Variants in DCC observed in about 807,000 individuals in gnomAD.
The protein encoded by DCC is DCC netrin 1 receptor, also known as netrin receptor DCC.
Under a neutral mutation model 172.5 loss-of-function variants are expected in DCC, and 58 were observed. The ratio of observed to expected loss-of-function variants is 0.34; its 90% CI spans 0.27 to 0.42. DCC has a LOEUF of 0.42. DCC is among the 10% of genes least tolerant of loss of function. The pLI is 1.00. For synonymous variants in DCC, 709 were observed against 644.5 expected, an observed-to-expected ratio of 1.10 and a Z score of -1.52; for missense variants, 1,740 against 1,791.0, an observed-to-expected ratio of 0.97 and a Z score of 0.51.
At chr18:53,101,006 C>A (rs560315065) in intron 7 of DCC, among the ~76,000 whole-genome samples, 1 of 152,106 alleles carries the variant, frequency 6.6e-6, no homozygotes, top group Non-Finnish European at 1.5e-5. Context: ...TCCTGTAGCA[C>A]CTTCACCTTC....
At chr18:52,540,870 T>C (rs533554627) in intron 1 of DCC, among the ~76,000 whole-genome samples, 3 of 152,236 alleles carry the variant, frequency 2.0e-5, no homozygotes, top group Admixed American at 2.0e-4. Flanking sequence ...CCTCCCAAAG[T>C]GCTGGGATTG....
At chr18:53,529,028 T>A (rs1245508050) in intron 28 of DCC, among the ~76,000 whole-genome samples, 5 of 65,390 alleles carry the variant, frequency 7.6e-5, no homozygotes, top group African/African-American at 1.6e-4. Context: ...TCTCTCTCTC[T>A]CTCTCTCTCT....
rs59747370 is a variant in DCC, at chr18:52,649,231, G to C, written c.92-102823G>C. Among the ~76,000 whole-genome samples the C allele has an allele frequency of 4.7e-3, 709 of 152,170 alleles. 6 individuals are homozygous for C. The highest frequency in any genetic ancestry group is 0.016 in the African/African-American group (673 of 41,498). On this transcript the variant is annotated intron_variant, in intron 1 of 28. Transcript: ENST00000442544. ...TACTAAAAATACAAAAAATTAGCCA[G>C]GCGTGGTGGCAGGCACCTGCAGTTT...
chr18:53,311,717 T>G (rs1217279518), intron 13 of DCC, among the ~76,000 whole-genome samples: 3 of 152,230 alleles, frequency 2.0e-5, no homozygotes, highest in Non-Finnish European at 2.9e-5. Flanking sequence ...AAGCTATATG[T>G]GTGTTTTCCA....
chr18:53,529,865 G>A (rs555928567), intron 28 of DCC, among the ~76,000 whole-genome samples: 7 of 152,262 alleles, frequency 4.6e-5, no homozygotes, highest in African/African-American at 1.7e-4. Context: ...GAGTGAATTA[G>A]TGACAGTTCA....
At chr18:53,011,527 A>G (rs1016155210) in intron 5 of DCC, among the ~76,000 whole-genome samples, 19 of 151,816 alleles carry the variant, frequency 1.3e-4, no homozygotes, top group African/African-American at 4.6e-4. Context: ...AACTTTTTCC[A>G]AAAACCATTT....
chr18:52,611,203 T>C (rs1380649), intron 1 of DCC, among the ~76,000 whole-genome samples: 132,945 of 152,050 alleles, frequency 0.87, 58,682 homozygotes, highest in Middle Eastern at 0.98. Flanking sequence ...TCACAGGGTG[T>C]CTTTCCCAGG....
chr18:53,205,170 T>A (rs554941474), intron 9 of DCC, 46 bp from the exon 10 acceptor site: 7 of 1,527,138 alleles, frequency 4.6e-6, no homozygotes, highest in Non-Finnish European at 6.4e-6. Context: ...AAAAACCCAC[T>A]TATCCTAATC....
chr18:52,584,425 A>T (rs570567928), intron 1 of DCC, among the ~76,000 whole-genome samples: 2 of 152,240 alleles, frequency 1.3e-5, no homozygotes, highest in East Asian at 1.9e-4. Context: ...AGAGAGAGAG[A>T]TGGAGAGACA....
At chr18:52,425,910 A>G (rs1358428141) in intron 1 of DCC, among the ~76,000 whole-genome samples, 3 of 152,134 alleles carry the variant, frequency 2.0e-5, no homozygotes, top group African/African-American at 7.2e-5. Context: ...CACATACATT[A>G]CAGTCAATAA....
chr18:53,172,535 G>A (rs994599391), intron 8 of DCC, among the ~76,000 whole-genome samples: 4 of 152,042 alleles, frequency 2.6e-5, no homozygotes, highest in Admixed American at 6.6e-5. Flanking sequence ...AGCGTGACTT[G>A]GAACACAGTT....
intron 1 of DCC, among the ~76,000 whole-genome samples, chr18:52,555,662 G>C (rs117760881): frequency 1.3e-5 from 2 of 152,160 alleles, no homozygotes; most frequent in East Asian, 3.9e-4. Context: ...ACTCAGGTTT[G>C]CTTTTTAGTA....
At chr18:52,814,531 C>A (rs1211952273) in intron 2 of DCC, among the ~76,000 whole-genome samples, 1 of 152,010 alleles carries the variant, frequency 6.6e-6, no homozygotes, top group Non-Finnish European at 1.5e-5. Context: ...TGAATAGCAC[C>A]ATGAAAAATG....
intron 7 of DCC, among the ~76,000 whole-genome samples, chr18:53,130,973 G>T (rs892239283): frequency 1.3e-5 from 2 of 152,062 alleles, no homozygotes; most frequent in African/African-American, 4.8e-5. Context: ...GAGAAAAACT[G>T]TATTTGCTGA....
intron 1 of DCC, among the ~76,000 whole-genome samples, chr18:52,517,338 T>C (rs771631531): frequency 1.3e-5 from 2 of 152,174 alleles, no homozygotes; most frequent in African/African-American, 2.4e-5. Context: ...AATAAAGCCA[T>C]GTGTGGATCA....
At chr18:52,358,804 C>A (rs144083457) in intron 1 of DCC, among the ~76,000 whole-genome samples, 1 of 152,258 alleles carries the variant, frequency 6.6e-6, no homozygotes, top group African/African-American at 2.4e-5. Context: ...GCTTTCATGT[C>A]CCCAGGCAGC....
intron 7 of DCC, among the ~76,000 whole-genome samples, chr18:53,114,183 A>G (rs935323674): frequency 2.0e-5 from 3 of 151,668 alleles, no homozygotes; most frequent in African/African-American, 7.2e-5. Flanking sequence ...CATTTATAAT[A>G]CCAGTTAGCA....
At chr18:52,600,009 GT>G (rs2033986249) in intron 1 of DCC, among the ~76,000 whole-genome samples, 2 of 152,130 alleles carry the variant, frequency 1.3e-5, no homozygotes, top group African/African-American at 2.4e-5. Flanking sequence ...ATGGATAACA[GT>G]CATATTCTCA....
chr18:52,992,817 A>G (rs558511163), intron 5 of DCC, among the ~76,000 whole-genome samples: 2 of 152,116 alleles, frequency 1.3e-5, no homozygotes, highest in African/African-American at 4.8e-5. Context: ...CTCTACCAAA[A>G]TTACAAAATT....
Sources: gnomAD v4.1 joint callset for allele counts (sites outside exome capture counted in the v4.1 genomes callset) on GRCh38, gnomAD v4.1.1 for gene constraint, MANE v1.5 for transcripts, NCBI Gene and HGNC (gene_info 2026-07-23, HGNC 2026-07-21) for gene names.